Variants in UHMK1 observed in about 807,000 individuals in gnomAD.
UHMK1 encodes U2AF homology motif kinase 1, also known as serine/threonine-protein kinase Kist.
UHMK1 carries 18 observed loss-of-function variants against 44.0 expected under a neutral mutation model. The ratio of observed to expected loss-of-function variants is 0.41; its 90% CI spans 0.28 to 0.61. UHMK1 has a LOEUF of 0.61. UHMK1 is among the 20% of genes least tolerant of loss of function. The pLI, the probability that UHMK1 is intolerant of heterozygous loss-of-function variation, is 0.31. For synonymous variants in UHMK1, 231 were observed against 198.5 expected, an observed-to-expected ratio of 1.16 and a Z score of -1.38; for missense variants, 463 against 522.5, an observed-to-expected ratio of 0.89 and a Z score of 1.11.
intron 6 of UHMK1, among the ~76,000 whole-genome samples, chr1:162,517,229 G>A (rs1433805720): frequency 6.6e-6 from 1 of 152,132 alleles, no homozygotes; most frequent in Non-Finnish European, 1.5e-5. Flanking sequence ...AACCCGGGAG[G>A]TGGAGGTTGC....
rs780057976 is a variant in UHMK1, at chr1:162,525,971, T to G, written c.*3421T>G. On this transcript the variant is annotated 3_prime_UTR_variant, in exon 8 of 8. Coordinates refer to ENST00000489294, the MANE Select transcript of UHMK1 (RefSeq NM_175866.5). ...TTCTAGATTCATGTTGCTTATATTT[T>G]AACTATTGAGCAAGTTTATTATAAG... The G allele has an allele frequency of 4.6e-5, 7 of 152,202 alleles. No homozygotes were observed. The highest frequency in any genetic ancestry group is 1.2e-4 in the African/African-American group (5 of 41,438). The allele number at this position is 152,202 out of a possible 1,614,324, so 9.4% of individuals were successfully genotyped here. A position where few individuals can be genotyped will look rare whatever the true frequency, so the allele number is the denominator to read the frequency against.
intron 4 of UHMK1, among the ~76,000 whole-genome samples, chr1:162,505,161 T>A (rs1651422783): frequency 1.3e-5 from 2 of 152,224 alleles, no homozygotes; most frequent in Non-Finnish European, 2.9e-5. Context: ...TATTTACTTT[T>A]AAAATTTTTT....
At chr1:162,507,566 C>G (rs1651514083) in intron 4 of UHMK1, among the ~76,000 whole-genome samples, 2 of 151,658 alleles carry the variant, frequency 1.3e-5, no homozygotes, top group South Asian at 4.2e-4. Context: ...AGCCACCACC[C>G]CCAACCCATT....
intron 4 of UHMK1, among the ~76,000 whole-genome samples, chr1:162,506,059 G>A (rs141992115): frequency 2.8e-4 from 42 of 152,126 alleles, no homozygotes; most frequent in African/African-American, 8.0e-4. Flanking sequence ...TTTCAAATTA[G>A]TTTTAAATAG....
chr1:162,522,743 A>G lies in UHMK1; in HGVS notation c.*193A>G. On this transcript the variant is annotated 3_prime_UTR_variant, in exon 8 of 8. Coordinates refer to ENST00000489294, the MANE Select transcript of UHMK1 (RefSeq NM_175866.5). ...GGCACTGAGTAGGACAAGACCTCTC[A>G]GCTATACATTGAGGGGTTTTAGAGC... is the stretch of plus-strand genomic sequence containing the variant. The G allele has an allele frequency of 1.8e-6, 1 of 565,344 alleles. No homozygotes were observed. The highest frequency in any genetic ancestry group is 2.9e-6 in the Non-Finnish European group (1 of 339,540). The allele number at this position is 565,344 out of a possible 1,614,324, so 35.0% of individuals were successfully genotyped here. A position where few individuals can be genotyped will look rare whatever the true frequency, so the allele number is the denominator to read the frequency against.
chr1:162,524,570 A>G lies in UHMK1; in HGVS notation c.*2020A>G, dbSNP rs1652178254. 1 of 152,218 alleles carries G rather than the reference A, an allele frequency of 6.6e-6. No individual in the cohort carries two copies. The highest frequency in any genetic ancestry group is 2.4e-5 in the African/African-American group (1 of 41,460). The allele number at this position is 152,218 out of a possible 1,614,324, so 9.4% of individuals were successfully genotyped here. A position where few individuals can be genotyped will look rare whatever the true frequency, so the allele number is the denominator to read the frequency against. On this transcript the variant is annotated 3_prime_UTR_variant, in exon 8 of 8. Coordinates refer to ENST00000489294, the MANE Select transcript of UHMK1 (RefSeq NM_175866.5). ...CATCAGGTCCTTAAATACGATGAACATGGGATACAAAGGAATTCTTTATAA... is the reference window on the plus strand; with the variant it reads ...CATCAGGTCCTTAAATACGATGAACGTGGGATACAAAGGAATTCTTTATAA...
intron 5 of UHMK1, 31 bp from the exon 6 acceptor site, chr1:162,512,694 C>T: frequency 6.2e-7 from 1 of 1,611,642 alleles, no homozygotes; most frequent in Non-Finnish European, 8.5e-7. Flanking sequence ...GGGGGATTTA[C>T]ATTTAACCAT....
intron 4 of UHMK1, among the ~76,000 whole-genome samples, chr1:162,510,632 TTTTG>T (rs1403780095): frequency 1.3e-5 from 2 of 151,754 alleles, no homozygotes; most frequent in African/African-American, 4.9e-5. Context: ...CATCTGTGTT[TTTTG>T]TTTTTTTTTT....
intron 6 of UHMK1, 65 bp from the exon 7 acceptor site, chr1:162,518,037 A>C: frequency 8.3e-7 from 1 of 1,198,800 alleles, no homozygotes; most frequent in Non-Finnish European, 1.2e-6. Context: ...TGATTAAAAA[A>C]TTTAAAATGT....
At chr1:162,506,742 A>G (rs570529589) in intron 4 of UHMK1, among the ~76,000 whole-genome samples, 4 of 152,162 alleles carry the variant, frequency 2.6e-5, no homozygotes, top group African/African-American at 7.2e-5. Flanking sequence ...GCACGTGCCT[A>G]TAATCCTAGC....
intron 4 of UHMK1, among the ~76,000 whole-genome samples, chr1:162,506,236 C>G (rs1193773789): frequency 7.7e-5 from 7 of 91,160 alleles, no homozygotes; most frequent in Non-Finnish European, 1.6e-4. Flanking sequence ...CCCCCCCCCC[C>G]ACCATTTTAC....
At chr1:162,513,115 AT>A (rs758902197) in intron 6 of UHMK1, 72 of 332,668 alleles carry the variant, frequency 2.2e-4, no homozygotes, top group South Asian at 1.8e-3. Context: ...CTAATTTTGT[AT>A]TTTTAGTAGG....
At chr1:162,509,704 C>T (rs188144434) in intron 4 of UHMK1, among the ~76,000 whole-genome samples, 36 of 152,280 alleles carry the variant, frequency 2.4e-4, no homozygotes, top group African/African-American at 8.2e-4. Context: ...TGCAGTGGCA[C>T]GATCTCGGCT....
Position 162,526,529 on chromosome 1 carries a change from T to C in UHMK1, c.*3979T>C, listed in dbSNP as rs1479672889. 1.3e-5 allele frequency: 2 copies of C among 152,104 alleles called. No individual in the cohort carries two copies. The highest frequency in any genetic ancestry group is 2.9e-5 in the Non-Finnish European group (2 of 67,984). 9.4% of individuals were successfully genotyped at this position (152,104 alleles called of 1,614,324 possible). On this transcript the variant is annotated 3_prime_UTR_variant, in exon 8 of 8. Coordinates refer to ENST00000489294, the MANE Select transcript of UHMK1 (RefSeq NM_175866.5). ...AGTGCCTTGTGTTTGCTGGAAAATA[T>C]TAAAACTCATTTGGGTGAAAGCTTC... is the stretch of plus-strand genomic sequence containing the variant.
chr1:162,511,913 C>G (rs1651682868), intron 4 of UHMK1, among the ~76,000 whole-genome samples: 1 of 151,304 alleles, frequency 6.6e-6, no homozygotes, highest in African/African-American at 2.4e-5. Context: ...ATTTTTTTTT[C>G]CCTGGGCTCT....
intron 4 of UHMK1, among the ~76,000 whole-genome samples, chr1:162,506,240 A>G (rs930141305): frequency 2.8e-4 from 27 of 97,580 alleles, no homozygotes; most frequent in African/African-American, 1.0e-3. Context: ...CCCCCCCACC[A>G]TTTTACATAG....
chr1:162,525,710 C>T lies in UHMK1; in HGVS notation c.*3160C>T, dbSNP rs1330178847. The T allele has an allele frequency of 6.6e-6, 1 of 152,100 alleles. No individual in the cohort carries two copies. The highest frequency in any genetic ancestry group is 1.5e-5 in the Non-Finnish European group (1 of 67,992). The allele number at this position is 152,100 out of a possible 1,614,324, so 9.4% of individuals were successfully genotyped here. ...GCATTTATTACCACTGGATGTCTTCCTTTTTTGTGGCCACCAATATAGCAG... is the reference window on the plus strand; with the variant it reads ...GCATTTATTACCACTGGATGTCTTCTTTTTTTGTGGCCACCAATATAGCAG... On this transcript the variant is annotated 3_prime_UTR_variant, in exon 8 of 8. Transcript: ENST00000489294.
Position 162,497,884 on chromosome 1 carries a change from C to T in UHMK1, c.-117C>T, listed in dbSNP as rs1571000497. ...GAAGTCCCGGGAGTCGGTGAGGCGGCTGCAGGTCCCTCCCTGCGGAGCCGC... is the reference window on the plus strand; with the variant it reads ...GAAGTCCCGGGAGTCGGTGAGGCGGTTGCAGGTCCCTCCCTGCGGAGCCGC... On this transcript the variant is annotated 5_prime_UTR_variant, in exon 1 of 8. Coordinates refer to ENST00000489294, the MANE Select transcript of UHMK1 (RefSeq NM_175866.5). 2.1e-6 allele frequency: 3 copies of T among 1,407,964 alleles called. No individual in the cohort carries two copies. Among genetic ancestry groups the T allele is most frequent in the East Asian group, 5.5e-5 (2 of 36,270 alleles). 87.2% of individuals were successfully genotyped at this position (1,407,964 alleles called of 1,614,324 possible).
intron 1 of UHMK1, among the ~76,000 whole-genome samples, 165 bp from the exon 2 acceptor site, chr1:162,499,790 C>G (rs1651200357): frequency 6.6e-6 from 1 of 151,944 alleles, no homozygotes; most frequent in Admixed American, 6.6e-5. Context: ...TTAAAATAAC[C>G]CAATTGCCAA....
Sources: gnomAD v4.1 joint callset for allele counts (sites outside exome capture counted in the v4.1 genomes callset) on GRCh38, gnomAD v4.1.1 for gene constraint, MANE v1.5 for transcripts, NCBI Gene and HGNC (gene_info 2026-07-23, HGNC 2026-07-21) for gene names.